Variants in SELENOS observed in about 807,000 individuals in gnomAD.
The protein encoded by SELENOS is VCP interacting membrane selenoprotein.
Under a neutral mutation model 30.2 loss-of-function variants are expected in SELENOS, and 37 were observed. The observed-to-expected ratio is 1.23, with a 90% CI of 0.94 to 1.61. The LOEUF (loss-of-function observed/expected upper bound fraction) is 1.61. SELENOS is among the 40% of genes most tolerant of loss of function. SELENOS has a pLI of 0.00. For synonymous variants in SELENOS, 119 were observed against 91.6 expected, an observed-to-expected ratio of 1.30 and a Z score of -1.71; for missense variants, 289 against 231.8, an observed-to-expected ratio of 1.25 and a Z score of -1.60.
chr15:101,275,421 T>C, intron 2 of SELENOS, 60 bp from the exon 3 acceptor site: 13 of 1,336,248 alleles, frequency 9.7e-6, no homozygotes, highest in Non-Finnish European at 1.3e-5. Flanking sequence ...TAGAAACTTT[T>C]GAGTGTCCAT....
chr15:101,273,824 G>C (rs1375139099), intron 5 of SELENOS, among the ~76,000 whole-genome samples: 4 of 152,172 alleles, frequency 2.6e-5, no homozygotes, highest in Admixed American at 2.6e-4. Context: ...TCCTCCTATG[G>C]AGGATACAAA....
Position 101,272,813 on chromosome 15 carries a change from C to T in SELENOS, c.528G>A (p.Trp176Ter). 1 of 1,610,748 alleles carries T rather than the reference C, an allele frequency of 6.2e-7. No homozygotes were observed. The highest frequency in any genetic ancestry group is 8.5e-7 in the Non-Finnish European group (1 of 1,178,600). Reference protein sequence around the residue: ...LSGEGGGACSWRPGRRGPSSG... With the variant: ...LSGEGGGACS Reference sequence around the variant, plus strand: ...ATGACGGGCCTCTGCGTCCAGGTCTCCAGGAGCAAGCTCCGCCTCCTTCAC... The same window carrying T: ...ATGACGGGCCTCTGCGTCCAGGTCTTCAGGAGCAAGCTCCGCCTCCTTCAC... Residue 176 changes from tryptophan (W) to a stop codon, truncating the protein, a stop_gained, in exon 6 of 6, where the codon TGG (tryptophan) becomes TGA (stop). Transcript: ENST00000526049. LOFTEE classifies it high-confidence loss of function.
At position 101,272,828 on chromosome 15, in the gene SELENOS, G is replaced by C; in HGVS notation, c.513C>G (p.Gly171=). The change falls in exon 6 of 6, where the codon GGC becomes GGG. Residue 171 remains glycine, a synonymous_variant. Coordinates refer to ENST00000526049, the MANE Select transcript of SELENOS (RefSeq NM_018445.6). ...GGYNPLSGEG[G]GACSWRPGRR... Reference sequence around the variant, plus strand: ...GTCCAGGTCTCCAGGAGCAAGCTCCGCCTCCTTCACCAGACAACGGGTTAT... The same window carrying C: ...GTCCAGGTCTCCAGGAGCAAGCTCCCCCTCCTTCACCAGACAACGGGTTAT... The C allele has an allele frequency of 6.2e-7, 1 of 1,609,602 alleles. No individual in the cohort carries two copies. Among genetic ancestry groups the C allele is most frequent in the Non-Finnish European group, 8.5e-7 (1 of 1,178,046 alleles).
intron 5 of SELENOS, 114 bp downstream of exon 5, chr15:101,274,306 C>T: frequency 8.1e-7 from 1 of 1,229,744 alleles, no homozygotes; most frequent in Middle Eastern, 2.6e-4. Context: ...CTTCACAATC[C>T]TAAGGAATTA....
rs371863368 is a variant in SELENOS, at chr15:101,272,568, T to G, written c.*203A>C. The G allele has an allele frequency of 7.6e-6, 4 of 529,778 alleles. No homozygotes were observed. The highest frequency in any genetic ancestry group is 1.0e-5 in the Non-Finnish European group (3 of 296,866). The allele number at this position is 529,778 out of a possible 1,614,324, so 32.8% of individuals were successfully genotyped here. On this transcript the variant is annotated 3_prime_UTR_variant, in exon 6 of 6. Coordinates refer to ENST00000526049, the MANE Select transcript of SELENOS (RefSeq NM_018445.6). ...AATGAATGCAATCACTGTCTCCAAG[T>G]AGAATGTGACCAATGACCTCATGCC...
Position 101,277,466 on chromosome 15 carries a change from G to A in SELENOS, c.-49C>T, listed in dbSNP as rs1008023873. The A allele has an allele frequency of 4.3e-6, 6 of 1,400,404 alleles. No individual in the cohort carries two copies. In the African/African-American group the frequency reaches 7.6e-5, roughly 18 times the overall value. The allele number at this position is 1,400,404 out of a possible 1,614,324, so 86.7% of individuals were successfully genotyped here. ...AGCCCTGCCGCCGCGCCTCCAGCCG[G>A]GCGCTTCCGGTGCGCTCCTACGCAC... On this transcript the variant is annotated 5_prime_UTR_variant, in exon 1 of 6. Coordinates refer to ENST00000526049, the MANE Select transcript of SELENOS (RefSeq NM_018445.6).
chr15:101,273,731 C>A (rs979283317), intron 5 of SELENOS, among the ~76,000 whole-genome samples: 1 of 152,230 alleles, frequency 6.6e-6, no homozygotes. Flanking sequence ...TCAGCCAAGT[C>A]TGTGGCCCTG....
chr15:101,274,407 C>T lies in SELENOS; in HGVS notation c.484+13G>A. 1 of 1,601,830 alleles carries T rather than the reference C, an allele frequency of 6.2e-7. No individual in the cohort carries two copies. The highest frequency in any genetic ancestry group is 8.5e-7 in the Non-Finnish European group (1 of 1,173,458). ...TTGAAAATCTGTTAACATTTGACAT[C>T]AGTGGTGCTTACCTCCTCCCCGCAA... is the stretch of plus-strand genomic sequence containing the variant. On this transcript the variant is annotated intron_variant, in intron 5 of 5. Transcript: ENST00000526049.
chr15:101,274,934 A>C, intron 3 of SELENOS: 2 of 580,964 alleles, frequency 3.4e-6, no homozygotes, highest in Non-Finnish European at 5.9e-6. Context: ...TCTGAAACTC[A>C]CTCCTGTCAG....
At position 101,276,649 on chromosome 15, in the gene SELENOS, A is replaced by G; in HGVS notation, c.103T>C (p.Trp35Arg). ...AGGATGCAGCTGAAGACGATGTACC[A>G]GCCATAGGTGGCCAGCAGGGAGCCC... ...TVGSLLATYG[W>R]YIVFSCILLY... Residue 35 changes from tryptophan (W) to arginine (R), a missense_variant, in exon 2 of 6, where the codon TGG becomes CGG. By Grantham distance (101) the Trp-to-Arg change is moderately radical. Coordinates refer to ENST00000526049, the MANE Select transcript of SELENOS (RefSeq NM_018445.6). 1 of 1,609,428 alleles carries G rather than the reference A, an allele frequency of 6.2e-7. No individual in the cohort carries two copies. Among genetic ancestry groups the G allele is most frequent in the South Asian group, 1.1e-5 (1 of 90,166 alleles).
At position 101,274,145 on chromosome 15, in the gene SELENOS, TC is replaced by T. The variant is rs542989868; in HGVS notation, c.484+274del. On this transcript the variant is annotated intron_variant, in intron 5 of 5. Transcript: ENST00000526049. ...CCACTGTGTTCCAGCTCCTTGACACTCATCTGAAGATTGGCAGACAATTCCT... is the reference window on the plus strand; with the variant it reads ...CCACTGTGTTCCAGCTCCTTGACACTATCTGAAGATTGGCAGACAATTCCT... 3.7e-3 allele frequency: 1,893 copies of T among 509,064 alleles called. 11 individuals carry two copies. Among genetic ancestry groups the T allele is most frequent in the Non-Finnish European group, 4.5e-3 (1,278 of 282,090 alleles). The allele number at this position is 509,064 out of a possible 1,614,324, so 31.5% of individuals were successfully genotyped here. A position where few individuals can be genotyped will look rare whatever the true frequency, so the allele number is the denominator to read the frequency against.
chr15:101,273,443 A>C (rs753105783), intron 5 of SELENOS, among the ~76,000 whole-genome samples: 7 of 152,206 alleles, frequency 4.6e-5, no homozygotes, highest in Middle Eastern at 3.4e-3. Context: ...GCAATTAAAC[A>C]CTGTGCCTCA....
At position 101,275,240 on chromosome 15, in the gene SELENOS, G is replaced by T; in HGVS notation, c.318+15C>A. ...CAATTTCTATGCACACATTCAAACT[G>T]AAACCAGTTCATACTTGTTTCAGTT... On this transcript the variant is annotated intron_variant, in intron 3 of 5. Transcript: ENST00000526049. The T allele has an allele frequency of 6.5e-7, 1 of 1,529,972 alleles. No individual in the cohort carries two copies. The highest frequency in any genetic ancestry group is 2.4e-5 in the East Asian group (1 of 41,196). The allele number at this position is 1,529,972 out of a possible 1,614,324, so 94.8% of individuals were successfully genotyped here. A position where few individuals can be genotyped will look rare whatever the true frequency, so the allele number is the denominator to read the frequency against.
chr15:101,277,089 C>G, intron 1 of SELENOS: 1 of 703,258 alleles, frequency 1.4e-6, no homozygotes, highest in Non-Finnish European at 2.5e-6. Flanking sequence ...CAGTAACTAC[C>G]ACAGGAAGGG....
intron 5 of SELENOS, among the ~76,000 whole-genome samples, chr15:101,273,383 C>T (rs544905153): frequency 6.6e-6 from 1 of 152,122 alleles, no homozygotes; most frequent in Non-Finnish European, 1.5e-5. Context: ...TCTAGGGCCA[C>T]CCAGAACTTA....
At chr15:101,276,864 A>G in intron 1 of SELENOS, 189 bp from the exon 2 acceptor site, 1 of 652,362 alleles carries the variant, frequency 1.5e-6, no homozygotes, top group South Asian at 2.1e-5. Flanking sequence ...ATCACTGAGA[A>G]GTGAGACTTC....
At chr15:101,274,073 C>T in intron 5 of SELENOS, 2 of 346,976 alleles carry the variant, frequency 5.8e-6, no homozygotes, top group Non-Finnish European at 1.1e-5. Flanking sequence ...TCTGCTACTC[C>T]TTGTTATTTG....
At position 101,274,502 on chromosome 15, in the gene SELENOS, G is replaced by C. The variant is rs767842265; in HGVS notation, c.409-7C>G. ...GCCCAGGACTGTCTTCCTCCTGTTT[G>C]AACACACACAGTAGTGTAAGAAGCA... On this transcript the variant is annotated splice_region_variant and splice_polypyrimidine_tract_variant and intron_variant, in intron 4 of 5. Transcript: ENST00000526049. 5.6e-6 allele frequency: 9 copies of C among 1,607,952 alleles called. No homozygotes were observed. The Admixed American group carries it at 1.5e-4, about 27-fold the overall frequency.
intron 3 of SELENOS, chr15:101,274,998 C>T (rs1048099322): frequency 3.5e-6 from 2 of 566,456 alleles, no homozygotes; most frequent in African/African-American, 3.8e-5. Flanking sequence ...CACTCACATG[C>T]TCCCTGCTCC....
Sources: gnomAD v4.1 joint callset for allele counts (sites outside exome capture counted in the v4.1 genomes callset) on GRCh38, gnomAD v4.1.1 for gene constraint, MANE v1.5 for transcripts, NCBI Gene and HGNC (gene_info 2026-07-23, HGNC 2026-07-21) for gene names.